Variants in CNIH3 observed in about 807,000 individuals in gnomAD.
The protein encoded by CNIH3 is protein cornichon homolog 3.
A neutral mutation model predicts 24.1 loss-of-function variants in CNIH3; 14 were observed. The ratio of observed to expected loss-of-function variants is 0.58; its 90% CI spans 0.38 to 0.91. The LOEUF (loss-of-function observed/expected upper bound fraction) is 0.91, where lower values mean the gene tolerates loss of function less well. Among genes scored for constraint, CNIH3 ranks in the 40% least tolerant of loss-of-function variants. The pLI, the probability that CNIH3 is intolerant of heterozygous loss-of-function variation, is 0.00. For missense variants in CNIH3, 178 were observed against 196.8 expected, an observed-to-expected ratio of 0.90 and a Z score of 0.57; for synonymous variants, 68 against 73.8, an observed-to-expected ratio of 0.92 and a Z score of 0.40.
chr1:224,567,156 T>A (rs1465751398), intron 4 of CNIH3, among the ~76,000 whole-genome samples: 126 of 152,372 alleles, frequency 8.3e-4, no homozygotes, highest in Non-Finnish European at 1.5e-4. Context: ...GTTGGCTGCA[T>A]AAATGTCTTC....
intron 1 of CNIH3, among the ~76,000 whole-genome samples, chr1:224,456,703 G>A (rs1675677503): frequency 6.6e-6 from 1 of 152,218 alleles, no homozygotes; most frequent in East Asian, 1.9e-4. Flanking sequence ...GAGCCACTGT[G>A]CCCGGCCAAA....
At chr1:224,478,990 C>T (rs1394265247) in intron 1 of CNIH3, among the ~76,000 whole-genome samples, 1 of 152,022 alleles carries the variant, frequency 6.6e-6, no homozygotes, top group African/African-American at 2.4e-5. Flanking sequence ...ATTCAATTAC[C>T]TCCCACTGGA....
chr1:224,653,732 G>A (rs1353604574), intron 1 of CNIH3, among the ~76,000 whole-genome samples: 1 of 152,186 alleles, frequency 6.6e-6, no homozygotes, highest in African/African-American at 2.4e-5. Flanking sequence ...AGTCAGTATG[G>A]CCTATATCTG....
At chr1:224,499,582 C>G (rs1447557432) in intron 1 of CNIH3, among the ~76,000 whole-genome samples, 1 of 152,206 alleles carries the variant, frequency 6.6e-6, no homozygotes, top group Non-Finnish European at 1.5e-5. Flanking sequence ...CTACTGCCTG[C>G]ATAAAGTCTA....
At chr1:224,570,607 C>T (rs1680776111) in intron 4 of CNIH3, among the ~76,000 whole-genome samples, 1 of 152,196 alleles carries the variant, frequency 6.6e-6, no homozygotes, top group African/African-American at 2.4e-5. Context: ...TATGTTGCAA[C>T]AAATAGCTTC....
At chr1:224,650,796 A>G (rs1436284271) in intron 1 of CNIH3, among the ~76,000 whole-genome samples, 1 of 152,192 alleles carries the variant, frequency 6.6e-6, no homozygotes, top group African/African-American at 2.4e-5. Context: ...AGAGGATGAC[A>G]GGGGAGAAGA....
At chr1:224,555,236 G>T (rs908763729) in intron 3 of CNIH3, among the ~76,000 whole-genome samples, 2 of 152,200 alleles carry the variant, frequency 1.3e-5, no homozygotes, top group African/African-American at 4.8e-5. Context: ...GTGGGGATTT[G>T]ATTTGGGGCA....
chr1:224,739,487 C>A lies in CNIH3; in HGVS notation c.*131C>A. The A allele has an allele frequency of 6.6e-7, 1 of 1,514,068 alleles. No individual in the cohort carries two copies. The highest frequency in any genetic ancestry group is 8.9e-7 in the Non-Finnish European group (1 of 1,123,266). 93.8% of individuals were successfully genotyped at this position (1,514,068 alleles called of 1,614,324 possible). Reference sequence around the variant, plus strand: ...GAAATAGACCCGGCAGGCAGTCAGACTGAATGGGAGCTGGAATCACGCAGC... The same window carrying A: ...GAAATAGACCCGGCAGGCAGTCAGAATGAATGGGAGCTGGAATCACGCAGC... On this transcript the variant is annotated 3_prime_UTR_variant, in exon 6 of 6. Coordinates refer to ENST00000272133, the MANE Select transcript of CNIH3 (RefSeq NM_152495.2).
intron 1 of CNIH3, among the ~76,000 whole-genome samples, chr1:224,628,120 C>G (rs1435611534): frequency 1.3e-5 from 2 of 152,034 alleles, no homozygotes; most frequent in Admixed American, 1.3e-4. Flanking sequence ...CCCACCCTGT[C>G]AAGTTATTCA....
chr1:224,454,837 C>T (rs1389005682), intron 1 of CNIH3, among the ~76,000 whole-genome samples: 1 of 151,968 alleles, frequency 6.6e-6, no homozygotes, highest in Non-Finnish European at 1.5e-5. Context: ...AGGGAGGAGT[C>T]ACTGTCATTA....
At chr1:224,692,297 C>T (rs750140497) in intron 3 of CNIH3, among the ~76,000 whole-genome samples, 1 of 152,166 alleles carries the variant, frequency 6.6e-6, no homozygotes, top group African/African-American at 2.4e-5. Flanking sequence ...GTGTAAGACC[C>T]AGTCTCTAAA....
intron 1 of CNIH3, among the ~76,000 whole-genome samples, chr1:224,466,881 C>G (rs1317102295): frequency 6.6e-6 from 1 of 152,138 alleles, no homozygotes; most frequent in African/African-American, 2.4e-5. Context: ...TTACCTGTAT[C>G]TACTCCTCAG....
chr1:224,462,736 C>T (rs1255807104), intron 1 of CNIH3, among the ~76,000 whole-genome samples: 4 of 147,962 alleles, frequency 2.7e-5, no homozygotes, highest in Non-Finnish European at 5.9e-5. Context: ...ACCTCCCAGG[C>T]TCAGGTGATC....
intron 3 of CNIH3, among the ~76,000 whole-genome samples, chr1:224,594,281 C>G (rs1248289389): frequency 6.6e-6 from 1 of 152,206 alleles, no homozygotes; most frequent in Non-Finnish European, 1.5e-5. Context: ...AGCCCTTGCA[C>G]CCCCGCTTGT....
intron 3 of CNIH3, among the ~76,000 whole-genome samples, chr1:224,550,434 TATC>T (rs997867394): frequency 2.0e-4 from 30 of 152,274 alleles, no homozygotes; most frequent in Middle Eastern, 3.4e-3. Flanking sequence ...GTTAAATAAA[TATC>T]ATAGCAATGA....
At chr1:224,511,155 G>T (rs1678136062), upstream of CNIH3, among the ~76,000 whole-genome samples, 1 of 152,202 alleles carries the variant, frequency 6.6e-6, no homozygotes, top group African/African-American at 2.4e-5. Flanking sequence ...AGATGCTATA[G>T]GTTTCTTCTT....
At chr1:224,618,991 T>C (rs1683160055) in intron 1 of CNIH3, among the ~76,000 whole-genome samples, 1 of 152,224 alleles carries the variant, frequency 6.6e-6, no homozygotes, top group Non-Finnish European at 1.5e-5. Flanking sequence ...TAAAGGAACT[T>C]TCTCAGCTTC....
intron 1 of CNIH3, among the ~76,000 whole-genome samples, chr1:224,670,989 G>A (rs963232204): frequency 6.6e-6 from 1 of 152,194 alleles, no homozygotes; most frequent in Non-Finnish European, 1.5e-5. Flanking sequence ...CCAATCAGCT[G>A]AAGGTCCAGA....
intron 4 of CNIH3, among the ~76,000 whole-genome samples, chr1:224,578,845 C>G (rs961291454): frequency 2.0e-5 from 3 of 152,096 alleles, no homozygotes; most frequent in Admixed American, 6.6e-5. Flanking sequence ...GTAGGATTTT[C>G]TCTTTGGTTG....
Sources: gnomAD v4.1 joint callset for allele counts (sites outside exome capture counted in the v4.1 genomes callset) on GRCh38, gnomAD v4.1.1 for gene constraint, MANE v1.5 for transcripts, NCBI Gene and HGNC (gene_info 2026-07-23, HGNC 2026-07-21) for gene names.